The following PEAK1 variants were observed in gnomAD, a reference collection of about 807,000 sequenced individuals.
The protein encoded by PEAK1 is pseudopodium enriched atypical kinase 1, also known as inactive tyrosine-protein kinase PEAK1.
A neutral mutation model predicts 124.7 loss-of-function variants in PEAK1; 54 were observed. That is an observed-to-expected ratio of 0.43 (90% CI 0.35 to 0.54). The LOEUF is 0.54. PEAK1 is among the 20% of genes least tolerant of loss of function. The pLI is 0.01. For synonymous variants in PEAK1, 719 were observed against 760.0 expected (o/e 0.95, Z 0.89); for missense variants, 2,046 against 2,134.5 (o/e 0.96, Z 0.82).
At chr15:77,264,823 C>CT (rs2061632140) in intron 5 of PEAK1, among the ~76,000 whole-genome samples, 1 of 151,878 alleles carries the variant, frequency 6.6e-6, no homozygotes, top group African/African-American at 2.4e-5. Context: ...AAGAACAAAG[C>CT]TGGAGGCATC....
At chr15:77,352,722 A>G (rs1402283641) in intron 2 of PEAK1, 1 of 959,000 alleles carries the variant, frequency 1.0e-6, no homozygotes, top group African/African-American at 1.8e-5. Context: ...AAGATTTGAA[A>G]TAATTATTTA....
intron 2 of PEAK1, among the ~76,000 whole-genome samples, chr15:77,328,204 A>G (rs1252138210): frequency 1.3e-5 from 2 of 152,206 alleles, no homozygotes; most frequent in African/African-American, 4.8e-5. Context: ...TCAATAAAAA[A>G]GAAAGTATAT....
chr15:77,285,368 C>A (rs577901194), intron 3 of PEAK1, among the ~76,000 whole-genome samples: 1 of 152,298 alleles, frequency 6.6e-6, no homozygotes, highest in South Asian at 2.1e-4. Context: ...ATACTCTCCC[C>A]CTTTTTACTT....
chr15:77,247,485 CTTTTTTTTTTT>C (rs398028029), intron 6 of PEAK1, among the ~76,000 whole-genome samples: 3 of 84,298 alleles, frequency 3.6e-5, no homozygotes, highest in Non-Finnish European at 4.2e-5. Flanking sequence ...CTTTTCTTTT[CTTTTTTTTTTT>C]TTTTTTTTTT....
At chr15:77,363,413 C>T (rs1049693774) in intron 2 of PEAK1, among the ~76,000 whole-genome samples, 2 of 152,164 alleles carry the variant, frequency 1.3e-5, no homozygotes, top group African/African-American at 4.8e-5. Flanking sequence ...GAGGCCTCCT[C>T]AACAGAGGGA....
At chr15:77,129,462 T>A (rs971908394) in intron 9 of PEAK1, among the ~76,000 whole-genome samples, 38 of 150,294 alleles carry the variant, frequency 2.5e-4, no homozygotes, top group Non-Finnish European at 1.2e-4. Context: ...TTTTTTTTGA[T>A]ATGTTGTCCC....
chr15:77,336,758 A>G (rs562184951), intron 2 of PEAK1, among the ~76,000 whole-genome samples: 2 of 152,308 alleles, frequency 1.3e-5, no homozygotes, highest in African/African-American at 4.8e-5. Flanking sequence ...CATCAGAAAA[A>G]TGTATAAATA....
At position 77,252,438 on chromosome 15, in the gene PEAK1, C is replaced by T; in HGVS notation, c.-186G>A. On this transcript the variant is annotated 5_prime_UTR_variant, in exon 6 of 10. Transcript: ENST00000682557. ...TTAGCAGCTAGCAAAACATTCCTTCCAAATTTCAAGGTGCTTTGGGTCTTT... is the reference window on the plus strand; with the variant it reads ...TTAGCAGCTAGCAAAACATTCCTTCTAAATTTCAAGGTGCTTTGGGTCTTT... 1.0e-6 allele frequency: 1 copy of T among 985,254 alleles called. No homozygotes were observed. The highest frequency in any genetic ancestry group is 1.2e-6 in the Non-Finnish European group (1 of 829,826). 61.0% of individuals were successfully genotyped at this position (985,254 alleles called of 1,614,324 possible).
chr15:77,347,048 T>G, intron 2 of PEAK1: 1 of 297,260 alleles, frequency 3.4e-6, no homozygotes, highest in South Asian at 1.3e-4. Flanking sequence ...AAGAATCCAG[T>G]AAACCACCAG....
chr15:77,114,609 G>T lies in PEAK1; in HGVS notation c.4788C>A (p.Gly1596=), dbSNP rs1238142989. Residue 1596 remains glycine (G), a synonymous_variant, in exon 10 of 10, where the codon GGC becomes GGA. Transcript: ENST00000682557. ...GGTGCAGCATCTCATAGATGAGGATGCCTGTCTGGAACTCATCACACTTTT... is the reference window on the plus strand; with the variant it reads ...GGTGCAGCATCTCATAGATGAGGATTCCTGTCTGGAACTCATCACACTTTT... ...QYKKCDEFQT[G]ILIYEMLHLP... is the part of the protein sequence containing the mutation. The T allele has an allele frequency of 1.9e-6, 3 of 1,614,028 alleles. No homozygotes were observed. The highest frequency in any genetic ancestry group is 2.5e-6 in the Non-Finnish European group (3 of 1,179,998).
intron 3 of PEAK1, among the ~76,000 whole-genome samples, chr15:77,285,310 A>G (rs1169807545): frequency 2.0e-5 from 3 of 152,206 alleles, no homozygotes; most frequent in African/African-American, 7.2e-5. Context: ...AAGTGCTTAT[A>G]AACGTTAGTT....
intron 1 of PEAK1, among the ~76,000 whole-genome samples, chr15:77,410,012 A>G (rs1340333163): frequency 6.6e-6 from 1 of 151,602 alleles, no homozygotes; most frequent in Non-Finnish European, 1.5e-5. Context: ...GCAGGTTATG[A>G]GCTACTTGAA....
At chr15:77,275,997 T>G (rs1360241985) in intron 5 of PEAK1, among the ~76,000 whole-genome samples, 4 of 152,030 alleles carry the variant, frequency 2.6e-5, no homozygotes, top group Non-Finnish European at 4.4e-5. Context: ...GCAGAATGGA[T>G]GTGACAGAAG....
intron 8 of PEAK1, among the ~76,000 whole-genome samples, chr15:77,138,671 C>T (rs922975482): frequency 2.6e-5 from 4 of 152,108 alleles, no homozygotes; most frequent in Admixed American, 6.6e-5. Flanking sequence ...TGAGACCAGC[C>T]TGGCCAACAT....
At chr15:77,354,414 T>C (rs2067382856) in intron 2 of PEAK1, among the ~76,000 whole-genome samples, 2 of 152,232 alleles carry the variant, frequency 1.3e-5, no homozygotes, top group Admixed American at 6.5e-5. Context: ...GGACTATATA[T>C]AGCCTTCTAA....
intron 2 of PEAK1, among the ~76,000 whole-genome samples, chr15:77,301,192 C>T (rs545515236): frequency 6.6e-6 from 1 of 152,280 alleles, no homozygotes; most frequent in Admixed American, 6.5e-5. Flanking sequence ...AGGGGTGAAT[C>T]ATTCCTTGAC....
Position 77,114,758 on chromosome 15 carries a change from A to G in PEAK1, c.4639T>C (p.Tyr1547His). 6.2e-7 allele frequency: 1 copy of G among 1,613,314 alleles called. No individual in the cohort carries two copies. The highest frequency in any genetic ancestry group is 8.5e-7 in the Non-Finnish European group (1 of 1,179,912). Reference protein sequence around the residue: ...GPAEPSPTSSYPTRLIVSNFS... With the variant: ...GPAEPSPTSSHPTRLIVSNFS... ...TTGCTCACTATAAGCCTAGTGGGAT[A>G]AGATGAGGTGGGGCTGGGCTCTGCA... Residue 1547 changes from tyrosine to histidine, a missense_variant, in exon 10 of 10, where the codon TAT becomes CAT. Physicochemically the swap from Tyr to His is moderately conservative, Grantham distance 83. Transcript: ENST00000682557.
intron 1 of PEAK1, among the ~76,000 whole-genome samples, chr15:77,388,187 C>T (rs1354084971): frequency 6.6e-6 from 1 of 152,032 alleles, no homozygotes; most frequent in African/African-American, 2.4e-5. Context: ...GAGCAAGATC[C>T]TGTCTCAAAA....
chr15:77,164,688 G>A (rs761279491), intron 7 of PEAK1, among the ~76,000 whole-genome samples: 21 of 152,102 alleles, frequency 1.4e-4, no homozygotes, highest in Middle Eastern at 6.3e-3. Context: ...ATTAATTTTG[G>A]AAAACAGCAA....
Sources: gnomAD v4.1 joint callset for allele counts (sites outside exome capture counted in the v4.1 genomes callset) on GRCh38, gnomAD v4.1.1 for gene constraint, MANE v1.5 for transcripts, NCBI Gene and HGNC (gene_info 2026-07-23, HGNC 2026-07-21) for gene names.